KPNA5: variants seen among roughly 807,000 people sequenced by gnomAD.
KPNA5 encodes karyopherin subunit alpha 5.
A neutral mutation model predicts 71.3 loss-of-function variants in KPNA5; 46 were observed. The observed-to-expected ratio is 0.65, with a 90% CI of 0.51 to 0.83. KPNA5 has a LOEUF of 0.83. Ranked by LOEUF, KPNA5 falls within the 40% of genes least tolerant of loss-of-function variation. KPNA5 has a pLI of 0.00. For missense variants in KPNA5, 547 were observed against 628.3 expected (o/e 0.87, Z 1.38); for synonymous variants, 207 against 201.4 (o/e 1.03, Z -0.24).
chr6:116,719,889 A>G (rs963794330), intron 8 of KPNA5, among the ~76,000 whole-genome samples: 2 of 152,136 alleles, frequency 1.3e-5, no homozygotes. Flanking sequence ...CTGGGAACTG[A>G]GTATTGGGAA....
At position 116,736,963 on chromosome 6, in the gene KPNA5, G is replaced by GC. The variant is rs1269765693; in HGVS notation, c.*4641dup. On this transcript the variant is annotated 3_prime_UTR_variant, in exon 14 of 14. Transcript: ENST00000368564. Reference sequence around the variant, plus strand: ...GCTTTCCTCTGCTGGCTTGAACACAGCAAGTATAATAGCTGTTTGAATGGC... The same window carrying GC: ...GCTTTCCTCTGCTGGCTTGAACACAGCCAAGTATAATAGCTGTTTGAATGGC... 6.6e-6 allele frequency: 1 copy of GC among 151,778 alleles called. No homozygotes were observed. The highest frequency in any genetic ancestry group is 1.5e-5 in the Non-Finnish European group (1 of 67,892). The allele number at this position is 151,778 out of a possible 1,614,324, so 9.4% of individuals were successfully genotyped here. A position where few individuals can be genotyped will look rare whatever the true frequency, so the allele number is the denominator to read the frequency against.
At chr6:116,686,485 T>C (rs1777593636) in intron 1 of KPNA5, among the ~76,000 whole-genome samples, 1 of 152,206 alleles carries the variant, frequency 6.6e-6, no homozygotes, top group Non-Finnish European at 1.5e-5. Context: ...AACAATTTTC[T>C]CCCATTCTGT....
intron 1 of KPNA5, chr6:116,681,685 T>G: frequency 3.1e-6 from 1 of 326,484 alleles, no homozygotes; most frequent in Non-Finnish European, 4.7e-6. Flanking sequence ...TCATACCTGG[T>G]ACCCATCAGC....
At position 116,693,579 on chromosome 6, in the gene KPNA5, G is replaced by A. The variant is rs533334817; in HGVS notation, c.340+1187G>A. Among the ~76,000 whole-genome samples the A allele has an allele frequency of 1.2e-4, 19 of 152,148 alleles. No homozygotes were observed. In the East Asian group the frequency reaches 3.7e-3, roughly 29 times the overall value. The stretch of plus-strand genomic sequence containing the variant: ...ATATCCTTCGCCCACTTGTTGATGG[G>A]GTTGTTTGTTTTTTTCTTGTAAATT... On this transcript the variant is annotated intron_variant, in intron 4 of 13. Coordinates refer to ENST00000368564, the MANE Select transcript of KPNA5 (RefSeq NM_001366306.2).
chr6:116,730,835 T>C (rs73765842), intron 13 of KPNA5, among the ~76,000 whole-genome samples: 1 of 152,306 alleles, frequency 6.6e-6, no homozygotes, highest in African/African-American at 2.4e-5. Context: ...ATATTTATTG[T>C]ACTTTGTCTG....
chr6:116,682,957 G>A (rs1015493522), intron 1 of KPNA5, among the ~76,000 whole-genome samples: 5 of 152,156 alleles, frequency 3.3e-5, no homozygotes, highest in Non-Finnish European at 5.9e-5. Flanking sequence ...ATCTGAAGCC[G>A]GAAGTCAGTA....
In KPNA5 at chr6:116,740,965, G is replaced by T. The variant is rs2114534807; in HGVS notation, c.*8642G>T. On this transcript the variant is annotated 3_prime_UTR_variant, in exon 14 of 14. Coordinates refer to ENST00000368564, the MANE Select transcript of KPNA5 (RefSeq NM_001366306.2). ...CATATGTAACTAACCTGCACATTGTGCACATGTACCCTGAAACTTAAAGTA... is the reference window on the plus strand; with the variant it reads ...CATATGTAACTAACCTGCACATTGTTCACATGTACCCTGAAACTTAAAGTA... 6.6e-6 allele frequency: 1 copy of T among 151,922 alleles called. No homozygotes were observed. Among genetic ancestry groups the T allele is most frequent in the East Asian group, 1.9e-4 (1 of 5,174 alleles). The allele number at this position is 151,922 out of a possible 1,614,324, so 9.4% of individuals were successfully genotyped here.
chr6:116,701,419 T>C (rs796202300), intron 5 of KPNA5, among the ~76,000 whole-genome samples: 30 of 152,292 alleles, frequency 2.0e-4, no homozygotes, highest in African/African-American at 7.0e-4. Context: ...ATATGTATAT[T>C]CAGATTTTAA....
At chr6:116,726,380 ATG>A in intron 11 of KPNA5, 113 bp from the exon 12 acceptor site, 1 of 771,564 alleles carries the variant, frequency 1.3e-6, no homozygotes, top group Non-Finnish European at 2.0e-6. Context: ...ATTTATTTTA[ATG>A]TCAAGGTTCC....
intron 1 of KPNA5, among the ~76,000 whole-genome samples, chr6:116,686,594 C>G (rs1013049347): frequency 6.6e-6 from 1 of 151,784 alleles, no homozygotes; most frequent in Non-Finnish European, 1.5e-5. Context: ...TTGCAATAGC[C>G]CCTTCGTGAT....
intron 1 of KPNA5, among the ~76,000 whole-genome samples, chr6:116,682,976 G>A (rs1777418493): frequency 6.6e-6 from 1 of 152,172 alleles, no homozygotes; most frequent in Non-Finnish European, 1.5e-5. Context: ...TACTATTGAA[G>A]AAAAAGGAAC....
In KPNA5 at chr6:116,737,307, A is replaced by T. The variant is rs780665122; in HGVS notation, c.*4984A>T. ...GTTCCTGATCATTGTGGGCTCCAAA[A>T]ATTGTTTCCCCTTGTGCTTTCAGGT... On this transcript the variant is annotated 3_prime_UTR_variant, in exon 14 of 14. Transcript: ENST00000368564. 16 of 151,988 alleles carry T rather than the reference A, an allele frequency of 1.1e-4. No individual in the cohort carries two copies. The highest frequency in any genetic ancestry group is 2.4e-4 in the Non-Finnish European group (16 of 67,956). The allele number at this position is 151,988 out of a possible 1,614,324, so 9.4% of individuals were successfully genotyped here.
intron 7 of KPNA5, among the ~76,000 whole-genome samples, chr6:116,712,765 A>G (rs535622984): frequency 3.3e-5 from 5 of 152,160 alleles, no homozygotes; most frequent in East Asian, 1.9e-4. Context: ...GCACCTGGCC[A>G]TTGTTATTTG....
intron 2 of KPNA5, among the ~76,000 whole-genome samples, chr6:116,691,151 C>G (rs1466062506): frequency 6.6e-6 from 1 of 152,172 alleles, no homozygotes; most frequent in East Asian, 1.9e-4. Context: ...ATCGCTTGAA[C>G]CCAGGAGGTG....
At chr6:116,682,647 TAAAG>T (rs1777408345) in intron 1 of KPNA5, among the ~76,000 whole-genome samples, 1 of 152,196 alleles carries the variant, frequency 6.6e-6, no homozygotes, top group Non-Finnish European at 1.5e-5. Flanking sequence ...CGATTGATAT[TAAAG>T]AAAATCATAA....
At chr6:116,727,972 T>A (rs886768664) in intron 12 of KPNA5, among the ~76,000 whole-genome samples, 1 of 152,152 alleles carries the variant, frequency 6.6e-6, no homozygotes, top group African/African-American at 2.4e-5. Flanking sequence ...ACAGTGCTAT[T>A]TTATAAATCA....
chr6:116,691,222 C>T (rs977225681), intron 2 of KPNA5, among the ~76,000 whole-genome samples: 2 of 151,874 alleles, frequency 1.3e-5, no homozygotes, highest in East Asian at 1.9e-4. Flanking sequence ...AGCGAGACTC[C>T]GTCTCAAAAA....
intron 13 of KPNA5, among the ~76,000 whole-genome samples, chr6:116,730,474 A>G (rs575060532): frequency 6.6e-6 from 1 of 152,254 alleles, no homozygotes; most frequent in African/African-American, 2.4e-5. Context: ...TTCCCAGTTT[A>G]TCACTTTATG....
At position 116,740,216 on chromosome 6, in the gene KPNA5, T is replaced by C. The variant is rs1341627582; in HGVS notation, c.*7893T>C. 6.6e-6 allele frequency: 1 copy of C among 152,078 alleles called. No individual in the cohort carries two copies. The highest frequency in any genetic ancestry group is 1.5e-5 in the Non-Finnish European group (1 of 68,018). The allele number at this position is 152,078 out of a possible 1,614,324, so 9.4% of individuals were successfully genotyped here. On this transcript the variant is annotated 3_prime_UTR_variant, in exon 14 of 14. Coordinates refer to ENST00000368564, the MANE Select transcript of KPNA5 (RefSeq NM_001366306.2). ...ACAGACACTTCTCAAAAGAAGACATTTATGCAGCCAAAAAACACATGAAAA... is the reference window on the plus strand; with the variant it reads ...ACAGACACTTCTCAAAAGAAGACATCTATGCAGCCAAAAAACACATGAAAA...
Sources: gnomAD v4.1 joint callset for allele counts (sites outside exome capture counted in the v4.1 genomes callset) on GRCh38, gnomAD v4.1.1 for gene constraint, MANE v1.5 for transcripts, NCBI Gene and HGNC (gene_info 2026-07-23, HGNC 2026-07-21) for gene names.